Variants in PRSS23 observed in about 807,000 individuals in gnomAD.
PRSS23 encodes protease, serine 23.
PRSS23 carries 25 observed loss-of-function variants against 34.7 expected under a neutral mutation model. The ratio of observed to expected loss-of-function variants is 0.72; its 90% CI spans 0.53 to 1.01. The LOEUF is 1.01. Among genes scored for constraint, PRSS23 ranks in the 50% least tolerant of loss-of-function variants. PRSS23 has a pLI of 0.00. For synonymous variants in PRSS23, 176 were observed against 186.6 expected (o/e 0.94, Z 0.46); for missense variants, 445 against 475.6 (o/e 0.94, Z 0.60).
At chr11:86,927,179 G>C (rs1361084770) in intron 2 of PRSS23, among the ~76,000 whole-genome samples, 5 of 152,156 alleles carry the variant, frequency 3.3e-5, no homozygotes, top group Admixed American at 2.0e-4. Flanking sequence ...GCAGAGAGGA[G>C]GAGAGTAGTC....
intron 2 of PRSS23, among the ~76,000 whole-genome samples, chr11:86,941,408 CTTAT>C (rs1200931333): frequency 1.3e-5 from 2 of 152,188 alleles, no homozygotes; most frequent in Non-Finnish European, 2.9e-5. Flanking sequence ...AAGGTTATGT[CTTAT>C]TTATCTGTGT....
intron 1 of PRSS23, among the ~76,000 whole-genome samples, chr11:86,792,010 C>A (rs1254891800): frequency 6.6e-6 from 1 of 152,222 alleles, no homozygotes; most frequent in Non-Finnish European, 1.5e-5. Context: ...AATCTCCTTA[C>A]AGCCCTGTGA....
At chr11:86,891,070 T>C (rs1163478298) in intron 2 of PRSS23, among the ~76,000 whole-genome samples, 2 of 152,154 alleles carry the variant, frequency 1.3e-5, no homozygotes, top group Admixed American at 6.5e-5. Context: ...ACCTAATTAT[T>C]TGAGCTCAAC....
At chr11:86,817,543 T>C (rs1285417593) in intron 1 of PRSS23, among the ~76,000 whole-genome samples, 1 of 152,238 alleles carries the variant, frequency 6.6e-6, no homozygotes, top group Non-Finnish European at 1.5e-5. Flanking sequence ...CCTTGTCTGG[T>C]GGACCTGAAC....
intron 2 of PRSS23, among the ~76,000 whole-genome samples, chr11:86,914,538 C>G (rs1949000113): frequency 6.6e-6 from 1 of 152,238 alleles, no homozygotes; most frequent in African/African-American, 2.4e-5. Context: ...AATCGTGTAT[C>G]ACACAATTTT....
intron 2 of PRSS23, among the ~76,000 whole-genome samples, chr11:86,859,823 C>T (rs1948600283): frequency 6.6e-6 from 1 of 151,788 alleles, no homozygotes; most frequent in Non-Finnish European, 1.5e-5. Flanking sequence ...TTATGACTCC[C>T]AATATTGCAT....
At chr11:86,887,513 T>G (rs56097765) in intron 2 of PRSS23, among the ~76,000 whole-genome samples, 6,986 of 151,846 alleles carry the variant, frequency 0.046, 176 homozygotes, top group Middle Eastern at 0.11. Flanking sequence ...ATGAGAAGAT[T>G]CAGCAAATAT....
intron 2 of PRSS23, chr11:86,921,608 A>C (rs1380121503): frequency 6.6e-6 from 1 of 152,138 alleles, no homozygotes; most frequent in African/African-American, 2.4e-5. Flanking sequence ...CTCCTCCTCC[A>C]TCATCTACTC....
intron 2 of PRSS23, among the ~76,000 whole-genome samples, chr11:86,889,635 T>C (rs1289672178): frequency 6.6e-6 from 1 of 152,226 alleles, no homozygotes; most frequent in African/African-American, 2.4e-5. Context: ...GCCACACCTC[T>C]TGATACTGTT....
At chr11:86,836,282 G>A (rs1366872589) in intron 2 of PRSS23, among the ~76,000 whole-genome samples, 1 of 152,124 alleles carries the variant, frequency 6.6e-6, no homozygotes, top group Non-Finnish European at 1.5e-5. Flanking sequence ...TGGGCTTTTA[G>A]GTCCTTAACA....
At chr11:86,949,508 T>C (rs1949272030) in intron 2 of PRSS23, 1 of 152,268 alleles carries the variant, frequency 6.6e-6, no homozygotes, top group Admixed American at 6.5e-5. Flanking sequence ...CAGACAGGTA[T>C]GAGTTACAAG....
intron 2 of PRSS23, among the ~76,000 whole-genome samples, chr11:86,944,381 T>C (rs920057860): frequency 6.6e-6 from 1 of 152,008 alleles, no homozygotes; most frequent in South Asian, 2.1e-4. Flanking sequence ...CGTTCACAGG[T>C]ATCTGGGGTT....
At chr11:86,878,589 C>T (rs1948742690) in intron 2 of PRSS23, among the ~76,000 whole-genome samples, 1 of 152,144 alleles carries the variant, frequency 6.6e-6, no homozygotes, top group African/African-American at 2.4e-5. Context: ...GGCTGGAGTG[C>T]AGTGGCGTGA....
chr11:86,802,760 A>G (rs1165502519), intron 1 of PRSS23, among the ~76,000 whole-genome samples: 4 of 152,160 alleles, frequency 2.6e-5, no homozygotes, highest in African/African-American at 9.7e-5. Flanking sequence ...GGCCCTCTTG[A>G]GGAGACCTGT....
At chr11:86,942,787 T>G (rs1167068424) in intron 2 of PRSS23, among the ~76,000 whole-genome samples, 2 of 152,228 alleles carry the variant, frequency 1.3e-5, no homozygotes, top group East Asian at 3.8e-4. Flanking sequence ...GAAACCCTTT[T>G]GAACTAAACT....
At chr11:86,881,888 T>G (rs1372062407) in intron 2 of PRSS23, among the ~76,000 whole-genome samples, 2 of 152,204 alleles carry the variant, frequency 1.3e-5, no homozygotes, top group African/African-American at 2.4e-5. Flanking sequence ...GCATATATAT[T>G]AATTGTTCAT....
At chr11:86,943,657 T>A (rs891303122) in intron 2 of PRSS23, among the ~76,000 whole-genome samples, 1 of 151,772 alleles carries the variant, frequency 6.6e-6, no homozygotes. Flanking sequence ...AGAAAAAAAA[T>A]AGAAATCAGA....
At chr11:86,868,412 G>A (rs1185101107) in intron 2 of PRSS23, among the ~76,000 whole-genome samples, 1 of 152,158 alleles carries the variant, frequency 6.6e-6, no homozygotes, top group Non-Finnish European at 1.5e-5. Context: ...CAGGGAAAGA[G>A]GTTATAAATG....
chr11:86,859,603 T>C (rs928049953), intron 2 of PRSS23, among the ~76,000 whole-genome samples: 2 of 151,948 alleles, frequency 1.3e-5, no homozygotes, highest in African/African-American at 4.8e-5. Context: ...ATGATATTAC[T>C]CCCAGTATCA....
Sources: allele counts gnomAD v4.1 joint callset (sites outside exome capture counted in the v4.1 genomes callset), GRCh38; gene constraint gnomAD v4.1.1; transcripts MANE v1.5; gene names NCBI Gene and HGNC (gene_info 2026-07-23, HGNC 2026-07-21).